The following PRICKLE2 variants were observed in gnomAD, a reference collection of about 807,000 sequenced individuals.
The protein encoded by PRICKLE2 is prickle-like protein 2.
In PRICKLE2, 21 loss-of-function variants were observed where a neutral mutation model predicts 81.4. The ratio of observed to expected loss-of-function variants is 0.26; its 90% CI spans 0.18 to 0.37. The LOEUF is 0.37. Ranked by LOEUF, PRICKLE2 falls within the 10% of genes least tolerant of loss-of-function variation. The pLI, the probability that PRICKLE2 is intolerant of heterozygous loss-of-function variation, is 1.00. For synonymous variants in PRICKLE2, 456 were observed against 421.5 expected (o/e 1.08, Z -1.00); for missense variants, 940 against 1,109.0 (o/e 0.85, Z 2.16).
chr3:64,149,198 G>A (rs560300084), intron 6 of PRICKLE2, among the ~76,000 whole-genome samples: 2 of 152,256 alleles, frequency 1.3e-5, no homozygotes, highest in African/African-American at 4.8e-5. Flanking sequence ...CTGGTTATAG[G>A]ACTTCCTCTC....
intron 2 of PRICKLE2, among the ~76,000 whole-genome samples, chr3:64,183,949 C>T (rs891556850): frequency 6.6e-6 from 1 of 152,104 alleles, no homozygotes; most frequent in Non-Finnish European, 1.5e-5. Context: ...TCCCTAAGCA[C>T]TGGCCCTATG....
chr3:64,194,527 A>AGC (rs2078412269), intron 2 of PRICKLE2, among the ~76,000 whole-genome samples: 1 of 152,206 alleles, frequency 6.6e-6, no homozygotes, highest in Non-Finnish European at 1.5e-5. Flanking sequence ...GGATGCTGCT[A>AGC]AGCATCCTAC....
intron 1 of PRICKLE2, among the ~76,000 whole-genome samples, chr3:64,205,132 T>G (rs1179488451): frequency 6.6e-6 from 1 of 150,632 alleles, no homozygotes; most frequent in African/African-American, 2.4e-5. Context: ...AAAGGGTGCA[T>G]TGGCTTCATT....
chr3:64,123,045 G>A (rs2077050595), intron 7 of PRICKLE2, among the ~76,000 whole-genome samples: 1 of 152,166 alleles, frequency 6.6e-6, no homozygotes, highest in Admixed American at 6.5e-5. Context: ...GTCCTCAGCA[G>A]GATTTGTGGT....
chr3:64,238,229 G>A (rs528002314), intron 2 of PRICKLE2, among the ~76,000 whole-genome samples: 14 of 152,254 alleles, frequency 9.2e-5, no homozygotes, highest in South Asian at 4.2e-4. Flanking sequence ...GCTCACACCC[G>A]TAATCCCAGC....
intron 2 of PRICKLE2, among the ~76,000 whole-genome samples, chr3:64,265,344 C>T (rs1025617877): frequency 2.6e-5 from 4 of 152,140 alleles, no homozygotes; most frequent in Non-Finnish European, 4.4e-5. Flanking sequence ...ACTAGGATTA[C>T]CATTCTGTGT....
intron 2 of PRICKLE2, among the ~76,000 whole-genome samples, chr3:64,237,892 TTG>T (rs1297135208): frequency 6.6e-6 from 1 of 152,178 alleles, no homozygotes; most frequent in Non-Finnish European, 1.5e-5. Context: ...CCTTTCTTGT[TTG>T]TTTGTCCATC....
intron 2 of PRICKLE2, among the ~76,000 whole-genome samples, chr3:64,249,971 A>G (rs2079422010): frequency 6.6e-6 from 1 of 152,200 alleles, no homozygotes; most frequent in Non-Finnish European, 1.5e-5. Context: ...AAGCTTAATG[A>G]CGTGCTCAAG....
intron 2 of PRICKLE2, among the ~76,000 whole-genome samples, chr3:64,178,201 T>G (rs893991085): frequency 1.3e-5 from 2 of 152,200 alleles, no homozygotes; most frequent in South Asian, 4.1e-4. Context: ...TATATTGTCT[T>G]TGGAGAGATG....
Position 64,198,798 on chromosome 3 carries a change from G to C in PRICKLE2, c.130C>G (p.Leu44Val). 1.9e-6 allele frequency: 3 copies of C among 1,614,114 alleles called. No homozygotes were observed. Among genetic ancestry groups the C allele is most frequent in the Non-Finnish European group, 2.5e-6 (3 of 1,180,028 alleles). ...CAGAATGGTACCTGTTCAGGCTTCA[G>C]ACCCGGCGGGACCCAGGCATACTCT... ...LEEYAWVPPG[L>V]KPEQVHQYYS... The change falls in exon 2 of 8, where the codon CTG (leucine) becomes GTG (valine). Residue 44 changes from leucine (L) to valine (V), a missense_variant. Physicochemically the swap from Leu to Val is conservative, Grantham distance 32. Transcript: ENST00000638394.
intron 2 of PRICKLE2, among the ~76,000 whole-genome samples, chr3:64,239,851 A>G (rs574838381): frequency 4.7e-5 from 7 of 149,744 alleles, no homozygotes; most frequent in African/African-American, 1.7e-4. Flanking sequence ...GCTGTGGCTC[A>G]TGCCTGTAAT....
chr3:64,238,754 G>A (rs1488020865), intron 2 of PRICKLE2, among the ~76,000 whole-genome samples: 1 of 152,170 alleles, frequency 6.6e-6, no homozygotes, highest in Non-Finnish European at 1.5e-5. Flanking sequence ...AAGAATCTCT[G>A]CCACATGGGT....
At chr3:64,235,243 C>G (rs1559596587) in intron 2 of PRICKLE2, among the ~76,000 whole-genome samples, 1 of 152,156 alleles carries the variant, frequency 6.6e-6, no homozygotes, top group Non-Finnish European at 1.5e-5. Context: ...AACAATTTCT[C>G]TTCACTGATA....
intron 7 of PRICKLE2, among the ~76,000 whole-genome samples, chr3:64,134,725 T>C (rs1250588413): frequency 6.6e-6 from 1 of 152,140 alleles, no homozygotes; most frequent in Non-Finnish European, 1.5e-5. Flanking sequence ...CCTGGGGTAG[T>C]GTTTGTGTAT....
At chr3:64,241,179 C>T (rs1400887473) in intron 2 of PRICKLE2, among the ~76,000 whole-genome samples, 1 of 152,188 alleles carries the variant, frequency 6.6e-6, no homozygotes, top group African/African-American at 2.4e-5. Flanking sequence ...TCAAAACAGG[C>T]ACCTACAAGT....
At chr3:64,136,373 C>T (rs553823910) in intron 7 of PRICKLE2, among the ~76,000 whole-genome samples, 1 of 150,870 alleles carries the variant, frequency 6.6e-6, no homozygotes, top group Admixed American at 6.6e-5. Context: ...GGTGTGTGTT[C>T]GAAATGCTGA....
intron 7 of PRICKLE2, among the ~76,000 whole-genome samples, chr3:64,132,402 AGGCTGCAGCTT>A (rs2077209657): frequency 6.6e-6 from 1 of 152,192 alleles, no homozygotes; most frequent in Admixed American, 6.5e-5. Flanking sequence ...CCCTCCTGCT[AGGCTGCAGCTT>A]GGCTGCAGCA....
intron 7 of PRICKLE2, among the ~76,000 whole-genome samples, chr3:64,136,747 CAGGTAGGAAGGTCA>C (rs1161263849): frequency 4.0e-5 from 6 of 151,786 alleles, no homozygotes; most frequent in Non-Finnish European, 7.4e-5. Flanking sequence ...GCCAAGTGGC[CAGGTAGGAAGGTCA>C]AGGTAGGAAG....
At chr3:64,162,632 A>G (rs2077753512) in intron 3 of PRICKLE2, among the ~76,000 whole-genome samples, 1 of 152,234 alleles carries the variant, frequency 6.6e-6, no homozygotes. Flanking sequence ...GGAGAGTCAC[A>G]AAGCTTTTGT....
Sources: gnomAD v4.1 joint callset for allele counts (sites outside exome capture counted in the v4.1 genomes callset) on GRCh38, gnomAD v4.1.1 for gene constraint, MANE v1.5 for transcripts, NCBI Gene and HGNC (gene_info 2026-07-23, HGNC 2026-07-21) for gene names.